Variants in MCTP1 observed in about 807,000 individuals in gnomAD.
The protein encoded by MCTP1 is multiple C2 and transmembrane domain-containing protein 1.
Under a neutral mutation model 120.6 loss-of-function variants are expected in MCTP1, and 69 were observed. The ratio of observed to expected loss-of-function variants is 0.57; its 90% confidence interval spans 0.47 to 0.70. MCTP1 has a LOEUF of 0.70. Among genes scored for constraint, MCTP1 ranks in the 30% least tolerant of loss-of-function variants. MCTP1 has a pLI of 0.00. For missense variants in MCTP1, 1,203 were observed against 1,248.8 expected (o/e 0.96, Z 0.55); for synonymous variants, 529 against 493.1 (o/e 1.07, Z -0.96).
rs187497827 is a variant in MCTP1 at position 95,111,052 on chromosome 5, T to C, written c.721-93568A>G. ...GGTACTAATAATGTGAAGGATTCAT[T>C]TGGAGACACTACACAATCTGCAATA... On this transcript the variant is annotated intron_variant, in intron 1 of 22. Coordinates refer to ENST00000515393, the MANE Select transcript of MCTP1 (RefSeq NM_024717.7). Among the ~76,000 whole-genome samples, 19 of 152,268 alleles carry C rather than the reference T, an allele frequency of 1.2e-4. No individual in the cohort carries two copies. The East Asian group carries it at 2.3e-3, about 19-fold the overall frequency.
intron 2 of MCTP1, among the ~76,000 whole-genome samples, chr5:94,981,283 C>G (rs1361573904): frequency 6.6e-6 from 1 of 152,124 alleles, no homozygotes; most frequent in African/African-American, 2.4e-5. Flanking sequence ...GGGACACACT[C>G]TTTTTATGCC....
At chr5:95,180,457 G>C (rs1748476304) in intron 1 of MCTP1, among the ~76,000 whole-genome samples, 1 of 152,224 alleles carries the variant, frequency 6.6e-6, no homozygotes, top group South Asian at 2.1e-4. Context: ...TTTGACCAAA[G>C]CTGAAAGCTT....
chr5:94,900,039 T>G (rs951129316), intron 10 of MCTP1, among the ~76,000 whole-genome samples: 2 of 152,212 alleles, frequency 1.3e-5, no homozygotes, highest in Non-Finnish European at 2.9e-5. Context: ...TTTGCACTAT[T>G]TACGAGATAT....
At chr5:94,788,556 C>T (rs1329746381) in intron 18 of MCTP1, among the ~76,000 whole-genome samples, 2 of 152,160 alleles carry the variant, frequency 1.3e-5, no homozygotes, top group African/African-American at 4.8e-5. Context: ...ATGAAACTCT[C>T]TGCTACCATC....
chr5:95,068,975 C>G (rs72779413), intron 1 of MCTP1: 12,889 of 224,424 alleles, frequency 0.057, 430 homozygotes, highest in Non-Finnish European at 0.069. Context: ...TTTTTTTTTC[C>G]TTTCCTGAGA....
chr5:95,230,746 C>A (rs565762725), intron 1 of MCTP1, among the ~76,000 whole-genome samples: 1 of 152,286 alleles, frequency 6.6e-6, no homozygotes, highest in Admixed American at 6.5e-5. Flanking sequence ...GGTATATCCA[C>A]AAGAAATACA....
At chr5:94,722,679 A>G (rs1312860075) in intron 19 of MCTP1, among the ~76,000 whole-genome samples, 1 of 152,184 alleles carries the variant, frequency 6.6e-6, no homozygotes, top group East Asian at 1.9e-4. Flanking sequence ...AATCTTTATC[A>G]TAATTTTGCT....
At chr5:94,966,932 C>T (rs991819852) in intron 2 of MCTP1, among the ~76,000 whole-genome samples, 3 of 152,162 alleles carry the variant, frequency 2.0e-5, no homozygotes, top group Admixed American at 2.0e-4. Flanking sequence ...TTACAATGAT[C>T]TATTTCTTTG....
chr5:94,894,610 T>C (rs756557913), intron 11 of MCTP1, 39 bp downstream of exon 11: 2 of 1,445,914 alleles, frequency 1.4e-6, no homozygotes, highest in Admixed American at 3.5e-5. Flanking sequence ...CCTGATCTAG[T>C]CACATGTGTC....
chr5:95,045,603 A>G (rs1296488056), intron 1 of MCTP1, among the ~76,000 whole-genome samples: 4 of 152,156 alleles, frequency 2.6e-5, no homozygotes, highest in Non-Finnish European at 5.9e-5. Flanking sequence ...AGTGAACTTG[A>G]ATCATGTCAG....
intron 2 of MCTP1, among the ~76,000 whole-genome samples, chr5:94,985,804 T>C (rs912001798): frequency 1.6e-4 from 24 of 152,202 alleles, no homozygotes; most frequent in Admixed American, 1.6e-3. Flanking sequence ...GTGTGTCTAT[T>C]ACACTGTTTA....
At chr5:94,918,743 T>A (rs1810777854) in intron 7 of MCTP1, among the ~76,000 whole-genome samples, 1 of 152,204 alleles carries the variant, frequency 6.6e-6, no homozygotes, top group African/African-American at 2.4e-5. Flanking sequence ...CAGAGAAGAC[T>A]GGATTAGGGC....
chr5:95,047,021 A>G (rs1744709840), intron 1 of MCTP1, among the ~76,000 whole-genome samples: 1 of 152,202 alleles, frequency 6.6e-6, no homozygotes, highest in African/African-American at 2.4e-5. Flanking sequence ...TCACTCCTCC[A>G]TGGATCTAGA....
chr5:95,097,977 A>G (rs1315468374), intron 1 of MCTP1, among the ~76,000 whole-genome samples: 2 of 152,218 alleles, frequency 1.3e-5, no homozygotes, highest in Admixed American at 1.3e-4. Context: ...CAGAGATACA[A>G]TTAGCTTTGA....
rs553517298 is a variant in MCTP1 at position 95,008,446 on chromosome 5, T to G, written c.838+8921A>C. ...TGCTTGACACTCACTTCCAGTTTCA[T>G]GTATTGAGTTCATCACAGGGGGCAG... On this transcript the variant is annotated intron_variant, in intron 2 of 22. Transcript: ENST00000515393. 2.0e-4 allele frequency among the ~76,000 whole-genome samples: 30 copies of G among 152,302 alleles called. No individual in the cohort carries two copies. In the South Asian group the frequency reaches 4.8e-3, roughly 24 times the overall value.
chr5:95,073,640 T>C (rs1280238540), intron 1 of MCTP1, among the ~76,000 whole-genome samples: 4 of 152,138 alleles, frequency 2.6e-5, no homozygotes, highest in Non-Finnish European at 5.9e-5. Context: ...ACACTGGATA[T>C]GCTACAAAAA....
rs893009923 is a variant in MCTP1, at chr5:95,284,785, C to A, written c.-210G>T. On this transcript the variant is annotated 5_prime_UTR_variant, in exon 1 of 23. It adds an upstream start codon to the 5' untranslated region. Coordinates refer to ENST00000515393, the MANE Select transcript of MCTP1 (RefSeq NM_024717.7). This position sits in a 1 kb window ranked among gnomAD's most constrained non-coding sequence, Gnocchi z 5.2. ...GCCGCCGCCGCCGAGGCTCTCTGGC[C>A]TCGGGACTCCGGCGCTGCCTCTTCC... is the stretch of plus-strand genomic sequence containing the variant. Among the ~76,000 whole-genome samples, 1 of 152,088 alleles carries A rather than the reference C, an allele frequency of 6.6e-6. No individual in the cohort carries two copies. The highest frequency in any genetic ancestry group is 1.9e-4 in the East Asian group (1 of 5,152).
intron 1 of MCTP1, among the ~76,000 whole-genome samples, chr5:95,276,002 G>GA (rs1448557202): frequency 2.0e-5 from 3 of 152,164 alleles, no homozygotes; most frequent in African/African-American, 4.8e-5. Context: ...CATGCTCAGT[G>GA]AAAAAATCTG....
rs1320781076 is a variant in MCTP1 at position 95,230,977 on chromosome 5, T to C, written c.720+52879A>G. Among the ~76,000 whole-genome samples, 8 of 152,196 alleles carry C rather than the reference T, an allele frequency of 5.3e-5. No homozygotes were observed. The East Asian group carries it at 1.3e-3, about 26-fold the overall frequency. On this transcript the variant is annotated intron_variant, in intron 1 of 22. Transcript: ENST00000515393. ...TAGAAGGAACATTTCAAACAGTTCA[T>C]GGAGAATGCAAATAGAGGTAGAGGA...
Sources: gnomAD v4.1 joint callset for allele counts (sites outside exome capture counted in the v4.1 genomes callset) on GRCh38, gnomAD v4.1.1 for gene constraint, Gnocchi (gnomAD v3.1) non-coding constraint, MANE v1.5 for transcripts, NCBI Gene and HGNC (gene_info 2026-07-23, HGNC 2026-07-21) for gene names.